The following FRMD6 variants were observed in gnomAD, a reference collection of about 807,000 sequenced individuals.
FRMD6 encodes FERM domain-containing protein 6.
A neutral mutation model predicts 73.2 loss-of-function variants in FRMD6; 37 were observed. The ratio of observed to expected loss-of-function variants is 0.51; its 90% CI spans 0.39 to 0.66. The LOEUF (loss-of-function observed/expected upper bound fraction) is 0.66, where lower values mean the gene tolerates loss of function less well. Ranked by LOEUF, FRMD6 falls within the 30% of genes least tolerant of loss-of-function variation. The probability of loss-of-function intolerance (pLI) is 0.00; values close to 1 mark genes in which losing one functional copy is unlikely to be tolerated. For synonymous variants in FRMD6, 273 were observed against 282.2 expected (o/e 0.97, Z 0.33); for missense variants, 714 against 780.5 (o/e 0.91, Z 1.02).
intron 1 of FRMD6, among the ~76,000 whole-genome samples, chr14:51,551,376 AG>A (rs1326740207): frequency 6.6e-6 from 1 of 152,226 alleles, no homozygotes. Context: ...AGGAAGAAAA[AG>A]TTCAGTTGTA....
chr14:51,562,200 C>G (rs531870465), intron 1 of FRMD6, among the ~76,000 whole-genome samples: 2 of 152,336 alleles, frequency 1.3e-5, no homozygotes, highest in South Asian at 4.1e-4. Flanking sequence ...TCTGCAGGCT[C>G]TATGATCAAA....
Position 51,722,636 on chromosome 14 carries a change from C to T in FRMD6, c.1492+556C>T, listed in dbSNP as rs183107021. Among the ~76,000 whole-genome samples the T allele has an allele frequency of 7.3e-4, 111 of 152,246 alleles. 1 individual carries two copies. Among genetic ancestry groups the T allele is most frequent in the Admixed American group, 7.3e-3 (111 of 15,286 alleles). On this transcript the variant is annotated intron_variant, in intron 12 of 13. Transcript: ENST00000344768. ...AATTCCTGTAGAAAACATGCATTCC[C>T]TATAGTTATATAATACATCATATAT...
intron 1 of FRMD6, among the ~76,000 whole-genome samples, chr14:51,490,284 A>G (rs1882916939): frequency 6.6e-6 from 1 of 152,238 alleles, no homozygotes; most frequent in Non-Finnish European, 1.5e-5. Flanking sequence ...CAGAGAAGCT[A>G]CTTATGAACT....
At chr14:51,522,907 G>A (rs1885028543) in intron 1 of FRMD6, 2 of 152,140 alleles carry the variant, frequency 1.3e-5, no homozygotes, top group Non-Finnish European at 2.9e-5. Context: ...AACAATATGG[G>A]GAGATTAGCA....
intron 1 of FRMD6, among the ~76,000 whole-genome samples, chr14:51,551,856 AT>A (rs1229542181): frequency 6.6e-6 from 1 of 152,048 alleles, no homozygotes; most frequent in Non-Finnish European, 1.5e-5. Context: ...ATGTTAAAAT[AT>A]TTTTAGTATA....
the FRMD6 span, among the ~76,000 whole-genome samples, chr14:51,438,121 G>A: frequency 3.9e-5 from 6 of 152,346 alleles, no homozygotes; most frequent in Middle Eastern, 6.8e-3. Context: ...GGTTGGAGAT[G>A]TTTGGGTTAA....
chr14:51,459,882 C>CTTTTTTTTTTTTTTTTTTTTTT, the FRMD6 span, among the ~76,000 whole-genome samples: 8 of 23,426 alleles, frequency 3.4e-4, no homozygotes, highest in African/African-American at 1.5e-3. Flanking sequence ...ATTACTGACT[C>CTTTTTTTTTTTTTTTTTTTTTT]TCTTTTTTTT....
In FRMD6 at chr14:51,502,279, T is replaced by C. The variant is rs552372223; in HGVS notation, c.-210+12859T>C. ...TCGTCATGAAATCTTTGCCTGTGTC[T>C]GTGTCCTGAATGGTATTGCCTAGAT... On this transcript the variant is annotated intron_variant, in intron 1 of 14. Coordinates refer to the FRMD6 transcript ENST00000356218. 3.3e-5 allele frequency among the ~76,000 whole-genome samples: 5 copies of C among 152,358 alleles called. No homozygotes were observed. In the East Asian group the frequency reaches 9.6e-4, roughly 29 times the overall value.
chr14:51,635,392 A>G lies in FRMD6; in HGVS notation c.-146-54299A>G, dbSNP rs180818795. Among the ~76,000 whole-genome samples the G allele has an allele frequency of 2.5e-3, 380 of 152,290 alleles. 1 individual carries two copies. Among genetic ancestry groups the G allele is most frequent in the African/African-American group, 8.7e-3 (362 of 41,564 alleles). On this transcript the variant is annotated intron_variant, in intron 2 of 14. Transcript: ENST00000356218. ...TCCAGCAGGACCCTATCTTTTTAAAACAAAACAAAACAAAAAGGAGGCAGA... is the reference window on the plus strand; with the variant it reads ...TCCAGCAGGACCCTATCTTTTTAAAGCAAAACAAAACAAAAAGGAGGCAGA...
chr14:51,562,477 A>G (rs1887536290), intron 1 of FRMD6, among the ~76,000 whole-genome samples: 1 of 152,194 alleles, frequency 6.6e-6, no homozygotes, highest in Non-Finnish European at 1.5e-5. Context: ...TCTGATGCCA[A>G]AGTAGTTCAG....
intron 2 of FRMD6, among the ~76,000 whole-genome samples, chr14:51,619,185 A>G (rs1890827293): frequency 6.6e-6 from 1 of 152,010 alleles, no homozygotes; most frequent in South Asian, 2.1e-4. Context: ...ACATGAAAAC[A>G]TGAATATACA....
chr14:51,458,711 G>A, the FRMD6 span, among the ~76,000 whole-genome samples: 1 of 152,332 alleles, frequency 6.6e-6, no homozygotes, highest in African/African-American at 2.4e-5. Flanking sequence ...ACTGGTGTTG[G>A]GGTGAGCAAA....
At chr14:51,726,824 A>G (rs1475420962) in intron 13 of FRMD6, among the ~76,000 whole-genome samples, 1 of 152,184 alleles carries the variant, frequency 6.6e-6, no homozygotes, top group African/African-American at 2.4e-5. Context: ...CGGATGTGAC[A>G]CTTCCTAGTA....
chr14:51,429,520 C>T, the FRMD6 span, among the ~76,000 whole-genome samples: 7 of 152,132 alleles, frequency 4.6e-5, no homozygotes, highest in Non-Finnish European at 7.4e-5. Context: ...TGAACTTTGT[C>T]GAGCACAGGT....
At chr14:51,721,149 T>C (rs978847943) in intron 11 of FRMD6, among the ~76,000 whole-genome samples, 1 of 152,226 alleles carries the variant, frequency 6.6e-6, no homozygotes, top group Admixed American at 6.5e-5. Flanking sequence ...TGAACTGTCA[T>C]CTGCCTGTGT....
chr14:51,460,119 T>C, the FRMD6 span, among the ~76,000 whole-genome samples: 1 of 152,146 alleles, frequency 6.6e-6, no homozygotes, highest in Non-Finnish European at 1.5e-5. Flanking sequence ...CAAATATTTA[T>C]TGAACAGCTG....
At chr14:51,521,073 G>A (rs1300879757) in intron 1 of FRMD6, among the ~76,000 whole-genome samples, 5 of 152,184 alleles carry the variant, frequency 3.3e-5, no homozygotes, top group African/African-American at 1.2e-4. Flanking sequence ...GTAATAGAAA[G>A]CAGATCACTG....
the FRMD6 span, among the ~76,000 whole-genome samples, chr14:51,429,744 T>C: frequency 2.0e-5 from 3 of 152,186 alleles, no homozygotes; most frequent in Admixed American, 2.0e-4. Flanking sequence ...ATTTTCCCCA[T>C]CTTATTTTTA....
intron 2 of FRMD6, among the ~76,000 whole-genome samples, chr14:51,613,151 T>C (rs1270306181): frequency 5.3e-5 from 8 of 152,138 alleles, no homozygotes; most frequent in Admixed American, 2.0e-4. Context: ...CAGAGAGTAA[T>C]ATAATCAGAT....
Sources: allele counts gnomAD v4.1 joint callset (sites outside exome capture counted in the v4.1 genomes callset), GRCh38; gene constraint gnomAD v4.1.1; transcripts MANE v1.5; gene names NCBI Gene and HGNC (gene_info 2026-07-23, HGNC 2026-07-21).